The following SASH1 variants were observed in gnomAD, a reference collection of about 807,000 sequenced individuals.
The protein encoded by SASH1 is SAM and SH3 domain-containing protein 1.
Under a neutral mutation model 125.2 loss-of-function variants are expected in SASH1, and 44 were observed. That is an observed-to-expected ratio of 0.35 (90% CI 0.28 to 0.45). The LOEUF is 0.45. Among genes scored for constraint, SASH1 ranks in the 20% least tolerant of loss-of-function variants. SASH1 has a pLI of 1.00. For missense variants in SASH1, 1,426 were observed against 1,614.5 expected, an observed-to-expected ratio of 0.88 and a Z score of 2.00; for synonymous variants, 639 against 649.1, an observed-to-expected ratio of 0.98 and a Z score of 0.24.
chr6:148,474,530 T>C (rs1400251338), intron 7 of SASH1, among the ~76,000 whole-genome samples: 1 of 152,188 alleles, frequency 6.6e-6, no homozygotes, highest in Admixed American at 6.5e-5. Context: ...AAAGATCAAT[T>C]ATTAAATAAA....
At chr6:148,362,213 C>T (rs933980556) in intron 1 of SASH1, among the ~76,000 whole-genome samples, 14 of 149,894 alleles carry the variant, frequency 9.3e-5, no homozygotes, top group African/African-American at 3.4e-4. Context: ...AGGCGTGAGC[C>T]ACCGTGCCTG....
chr6:148,322,503 C>T (rs2114575489), intron 1 of SASH1, among the ~76,000 whole-genome samples: 1 of 152,258 alleles, frequency 6.6e-6, no homozygotes, highest in African/African-American at 2.4e-5. Flanking sequence ...ACCTATTTTT[C>T]TCCCAGTCAT....
chr6:148,199,296 C>A, the SASH1 span, among the ~76,000 whole-genome samples: 3 of 152,038 alleles, frequency 2.0e-5, no homozygotes, highest in Admixed American at 6.6e-5. Flanking sequence ...TCACTTGAAC[C>A]CGAGAGGCAG....
At chr6:148,234,171 G>A in the SASH1 span, among the ~76,000 whole-genome samples, 2 of 151,778 alleles carry the variant, frequency 1.3e-5, no homozygotes, top group Non-Finnish European at 2.9e-5. Flanking sequence ...CAGTGTAGCT[G>A]GGACCACAGG....
intron 1 of SASH1, among the ~76,000 whole-genome samples, chr6:148,282,384 T>TA (rs1003812720): frequency 2.0e-5 from 3 of 150,356 alleles, no homozygotes; most frequent in Non-Finnish European, 4.4e-5. Context: ...CCCAGGAGAT[T>TA]TTTTTTTTCT....
intron 1 of SASH1, among the ~76,000 whole-genome samples, chr6:148,291,502 G>T (rs79624706): frequency 6.6e-6 from 1 of 152,144 alleles, no homozygotes; most frequent in African/African-American, 2.4e-5. Flanking sequence ...CCAATGTGAC[G>T]AAACTCTGTC....
chr6:148,468,510 GCT>G, intron 4 of SASH1, 33 bp from the exon 5 acceptor site: 1 of 1,562,122 alleles, frequency 6.4e-7, no homozygotes. Context: ...TGAAAGCAAG[GCT>G]CTCTGGTAAT....
Position 148,534,849 on chromosome 6 carries a change from G to A in SASH1, c.2043G>A (p.Pro681=), listed in dbSNP as rs202096812. The change falls in exon 16 of 20, where the codon CCG becomes CCA. Residue 681 remains proline, a synonymous_variant. Coordinates refer to ENST00000367467, the MANE Select transcript of SASH1 (RefSeq NM_015278.5). ...EDLDELNIRD[P]EHRAVLLTAV... is the part of the protein sequence containing the mutation. Reference sequence around the variant, plus strand: ...TGGATGAGTTAAATATCAGGGACCCGGAACACAGAGCTGTTCTCTTGACAG... The same window carrying A: ...TGGATGAGTTAAATATCAGGGACCCAGAACACAGAGCTGTTCTCTTGACAG... The A allele has an allele frequency of 9.7e-5, 157 of 1,614,228 alleles. No individual in the cohort carries two copies. Among genetic ancestry groups the A allele is most frequent in the Admixed American group, 3.0e-4 (18 of 60,024 alleles).
intron 1 of SASH1, among the ~76,000 whole-genome samples, chr6:148,372,456 C>T (rs1187615230): frequency 6.6e-6 from 1 of 152,122 alleles, no homozygotes; most frequent in African/African-American, 2.4e-5. Context: ...GGATGATATA[C>T]ATGCATAAGG....
the SASH1 span, among the ~76,000 whole-genome samples, chr6:148,194,272 C>G: frequency 1.3e-5 from 2 of 152,294 alleles, no homozygotes; most frequent in East Asian, 3.9e-4. Context: ...TGAAGTCCCT[C>G]TATCCAAACA....
At chr6:148,353,435 AT>A (rs377513066) in intron 1 of SASH1, among the ~76,000 whole-genome samples, 21,724 of 108,310 alleles carry the variant, frequency 0.2, 1,175 homozygotes, top group South Asian at 0.31. Context: ...TTTAAGATTG[AT>A]TTTTTTTTTT....
intron 4 of SASH1, among the ~76,000 whole-genome samples, chr6:148,454,065 A>T (rs1777225128): frequency 6.6e-6 from 1 of 152,114 alleles, no homozygotes; most frequent in African/African-American, 2.4e-5. Flanking sequence ...GCAAGGACAA[A>T]GTCCACCCTG....
chr6:148,495,043 C>A lies in SASH1; in HGVS notation c.729+7328C>A, dbSNP rs1205767249. On this transcript the variant is annotated intron_variant, in intron 8 of 19. Transcript: ENST00000367467. The surrounding 1 kb of genome is among the most constrained non-coding windows in gnomAD (Gnocchi z 4.0). ...CAGCCTCAATAACAGACATTGTCTT[C>A]AAGCCAGAGGATTTAGTTTCGAAGT... 6.6e-6 allele frequency among the ~76,000 whole-genome samples: 1 copy of A among 152,202 alleles called. No individual in the cohort carries two copies. Among genetic ancestry groups the A allele is most frequent in the Non-Finnish European group, 1.5e-5 (1 of 68,040 alleles).
At chr6:148,397,824 G>T (rs1287841037) in intron 2 of SASH1, among the ~76,000 whole-genome samples, 1 of 152,232 alleles carries the variant, frequency 6.6e-6, no homozygotes, top group African/African-American at 2.4e-5. Flanking sequence ...TGAGCATTGA[G>T]TCTGTCATGT....
At chr6:148,269,551 TA>T (rs2128502018), upstream of SASH1, among the ~76,000 whole-genome samples, 1 of 152,278 alleles carries the variant, frequency 6.6e-6, no homozygotes, top group South Asian at 2.1e-4. Context: ...CACCCCCAAC[TA>T]GTTTGTTTAG....
the SASH1 span, among the ~76,000 whole-genome samples, chr6:148,266,026 G>T: frequency 6.6e-6 from 1 of 151,072 alleles, no homozygotes. Context: ...AGGCTAGAGT[G>T]CAATGGCACA....
chr6:148,314,769 C>CT (rs34187478), intron 1 of SASH1, among the ~76,000 whole-genome samples: 10,055 of 132,690 alleles, frequency 0.076, 425 homozygotes, highest in Non-Finnish European at 0.093. Flanking sequence ...GTATAAATGA[C>CT]TTTTTTTTTT....
chr6:148,482,455 C>G (rs979393240), intron 7 of SASH1, among the ~76,000 whole-genome samples: 1 of 151,906 alleles, frequency 6.6e-6, no homozygotes, highest in Non-Finnish European at 1.5e-5. Context: ...GAAATAAAGT[C>G]CTTTGGAGAT....
At chr6:148,335,883 C>T (rs1447286529) in intron 1 of SASH1, among the ~76,000 whole-genome samples, 1 of 151,926 alleles carries the variant, frequency 6.6e-6, no homozygotes, top group African/African-American at 2.4e-5. Context: ...ATCACAGAGA[C>T]GTAGGTATGA....
Sources: gnomAD v4.1 joint callset for allele counts (sites outside exome capture counted in the v4.1 genomes callset) on GRCh38, gnomAD v4.1.1 for gene constraint, Gnocchi (gnomAD v3.1) non-coding constraint, MANE v1.5 for transcripts, NCBI Gene and HGNC (gene_info 2026-07-23, HGNC 2026-07-21) for gene names.